Variants in B3GAT3 observed in about 807,000 individuals in gnomAD.
B3GAT3 encodes beta-1,3-glucuronyltransferase 3.
A neutral mutation model predicts 33.1 loss-of-function variants in B3GAT3; 19 were observed. The observed-to-expected ratio is 0.57, with a 90% CI of 0.40 to 0.84. The LOEUF (loss-of-function observed/expected upper bound fraction) is 0.84, where lower values mean the gene tolerates loss of function less well. Ranked by LOEUF, B3GAT3 falls within the 40% of genes least tolerant of loss-of-function variation. The pLI is 0.00. For missense variants in B3GAT3, 344 were observed against 441.5 expected, an observed-to-expected ratio of 0.78 and a Z score of 1.98; for synonymous variants, 167 against 193.5, an observed-to-expected ratio of 0.86 and a Z score of 1.14.
chr11:62,617,613 C>T (rs146220819), intron 2 of B3GAT3, among the ~76,000 whole-genome samples: 13 of 152,180 alleles, frequency 8.5e-5, no homozygotes, highest in Non-Finnish European at 1.8e-4. Context: ...CATGGTGGCT[C>T]ACACCTATAA....
rs758285640 is a variant in B3GAT3, at chr11:62,620,682, G to A, written c.83-11C>T. 53 of 1,608,314 alleles carry A rather than the reference G, an allele frequency of 3.3e-5. No homozygotes were observed. Among genetic ancestry groups the A allele is most frequent in the Non-Finnish European group, 3.9e-5 (46 of 1,176,152 alleles). On this transcript the variant is annotated splice_polypyrimidine_tract_variant and intron_variant, in intron 1 of 4. Coordinates refer to ENST00000265471, the MANE Select transcript of B3GAT3 (RefSeq NM_012200.4). ...AGTCACATGGCTGGCCTGGTCCCAGGAAGCATTAATGGGGAAAGAAGGTGG... is the reference window on the plus strand; with the variant it reads ...AGTCACATGGCTGGCCTGGTCCCAGAAAGCATTAATGGGGAAAGAAGGTGG...
At position 62,615,483 on chromosome 11, in the gene B3GAT3, C is replaced by T; in HGVS notation, c.*218G>A. On this transcript the variant is annotated 3_prime_UTR_variant, in exon 5 of 5. Coordinates refer to ENST00000265471, the MANE Select transcript of B3GAT3 (RefSeq NM_012200.4). ...CACCCTAGACAGGGCCAACCTGACT[C>T]AACACAAGGGCTGCTTGTCCCCAGC... 1 of 847,392 alleles carries T rather than the reference C, an allele frequency of 1.2e-6. No individual in the cohort carries two copies. The highest frequency in any genetic ancestry group is 1.8e-6 in the Non-Finnish European group (1 of 553,236). 52.5% of individuals were successfully genotyped at this position (847,392 alleles called of 1,614,324 possible). A position where few individuals can be genotyped will look rare whatever the true frequency, so the allele number is the denominator to read the frequency against.
chr11:62,621,856 C>A lies in B3GAT3; in HGVS notation c.82+10G>T, dbSNP rs780165322. ...GCCAGCCCGCCGCACCCCCGCCCCG[C>A]CCCGCTCACCGAGCTGTACCAGCGC... On this transcript the variant is annotated intron_variant, in intron 1 of 4. Transcript: ENST00000265471. The A allele has an allele frequency of 3.1e-6, 5 of 1,609,770 alleles. No individual in the cohort carries two copies. Among genetic ancestry groups the A allele is most frequent in the African/African-American group, 1.3e-5 (1 of 74,584 alleles).
At chr11:62,620,931 G>A in intron 1 of B3GAT3, 2 of 566,140 alleles carry the variant, frequency 3.5e-6, no homozygotes, top group Non-Finnish European at 6.4e-6. Context: ...CTACCTGCTG[G>A]TCCTAATTTT....
At chr11:62,620,109 C>T (rs1381734203) in intron 2 of B3GAT3, among the ~76,000 whole-genome samples, 9 of 152,158 alleles carry the variant, frequency 5.9e-5, no homozygotes, top group African/African-American at 1.9e-4. Flanking sequence ...CTGCAACCTC[C>T]GCCTCTCAGG....
intron 2 of B3GAT3, among the ~76,000 whole-genome samples, 167 bp downstream of exon 2, chr11:62,620,330 G>A (rs1943121239): frequency 6.6e-6 from 1 of 152,170 alleles, no homozygotes; most frequent in African/African-American, 2.4e-5. Context: ...GCCTGAAAAA[G>A]AACTATTTTC....
At chr11:62,621,473 C>G (rs1943143212) in intron 1 of B3GAT3, among the ~76,000 whole-genome samples, 1 of 152,114 alleles carries the variant, frequency 6.6e-6, no homozygotes, top group African/African-American at 2.4e-5. Context: ...GAGAAAGAGG[C>G]AGCCCGGGAA....
chr11:62,619,176 A>C (rs199545829), intron 2 of B3GAT3, among the ~76,000 whole-genome samples: 1 of 18,460 alleles, frequency 5.4e-5, no homozygotes, highest in African/African-American at 1.8e-4. Flanking sequence ...CGGGGGGAAG[A>C]AAAAAAAAAA....
rs747167971 is a variant in B3GAT3 at position 62,617,039 on chromosome 11, A to G, written c.566T>C (p.Val189Ala). Residue 189 changes from valine to alanine, a missense_variant, in exon 3 of 5, where the codon GTC becomes GCC. By Grantham distance (64) the Val-to-Ala change is moderately conservative. Coordinates refer to ENST00000265471, the MANE Select transcript of B3GAT3 (RefSeq NM_012200.4). Reference sequence around the variant, plus strand: ...GTTGTCATCGTCAGCAAAGTAGACGACTCCTTGGGTCCCTGGTGGTGGTGG... The same window carrying G: ...GTTGTCATCGTCAGCAAAGTAGACGGCTCCTTGGGTCCCTGGTGGTGGTGG... ...KDPPPPGTQG[V>A]VYFADDDNTY... The G allele has an allele frequency of 9.9e-6, 16 of 1,613,114 alleles. No individual in the cohort carries two copies. Among genetic ancestry groups the G allele is most frequent in the Non-Finnish European group, 1.4e-5 (16 of 1,179,760 alleles).
intron 1 of B3GAT3, among the ~76,000 whole-genome samples, chr11:62,621,629 G>A (rs1490541379): frequency 6.6e-6 from 1 of 152,222 alleles, no homozygotes; most frequent in Non-Finnish European, 1.5e-5. Flanking sequence ...TGGGAGAGGC[G>A]GACGGCAGCA....
intron 1 of B3GAT3, chr11:62,621,132 C>G (rs1943136132): frequency 6.5e-6 from 3 of 458,528 alleles, no homozygotes; most frequent in Middle Eastern, 3.2e-4. Flanking sequence ...GGCTAGGTGA[C>G]CAAAGACTCA....
chr11:62,616,808 C>G lies in B3GAT3; in HGVS notation c.619-12G>C. ...CGGGTCCAGCGCATCTAACGGAGGTCGGGAGAGAAGAAACAGAGGGGTGGT... is the reference window on the plus strand; with the variant it reads ...CGGGTCCAGCGCATCTAACGGAGGTGGGGAGAGAAGAAACAGAGGGGTGGT... On this transcript the variant is annotated splice_polypyrimidine_tract_variant and intron_variant, in intron 3 of 4. Coordinates refer to ENST00000265471, the MANE Select transcript of B3GAT3 (RefSeq NM_012200.4). The G allele has an allele frequency of 6.2e-7, 1 of 1,613,790 alleles. No individual in the cohort carries two copies. Among genetic ancestry groups the G allele is most frequent in the Non-Finnish European group, 8.5e-7 (1 of 1,179,982 alleles).
At chr11:62,617,556 C>A in intron 2 of B3GAT3, 1 of 671,208 alleles carries the variant, frequency 1.5e-6, no homozygotes, top group East Asian at 2.8e-5. Flanking sequence ...ACCTCAACTC[C>A]AGAGCTCAGG....
Position 62,616,614 on chromosome 11 carries a change from G to A in B3GAT3, c.801C>T (p.Pro267=). ...AVALPLLLDK[P]NAQFDSTAPR... ...GAGCGGTGGAATCAAATTGGGCATT[G>A]GGCTTATCTAACAGCAAGGGCAGGG... Residue 267 remains proline, a synonymous_variant, in exon 4 of 5, where the codon CCC becomes CCT. Coordinates refer to ENST00000265471, the MANE Select transcript of B3GAT3 (RefSeq NM_012200.4). The A allele has an allele frequency of 6.2e-7, 1 of 1,614,206 alleles. No individual in the cohort carries two copies. The highest frequency in any genetic ancestry group is 8.5e-7 in the Non-Finnish European group (1 of 1,180,030).
intron 2 of B3GAT3, among the ~76,000 whole-genome samples, chr11:62,618,244 G>T (rs1274413901): frequency 1.3e-5 from 2 of 151,344 alleles, no homozygotes; most frequent in East Asian, 2.0e-4. Flanking sequence ...GTAGATCTGG[G>T]TTTGAAATCC....
At chr11:62,618,177 C>CAAAAAAAA (rs150492409) in intron 2 of B3GAT3, among the ~76,000 whole-genome samples, 37 of 46,274 alleles carry the variant, frequency 8.0e-4, no homozygotes, top group African/African-American at 3.0e-3. Context: ...AACTCTGTCT[C>CAAAAAAAA]AAAAAAAAAA....
chr11:62,620,978 A>G (rs1449100399), intron 1 of B3GAT3: 2 of 538,918 alleles, frequency 3.7e-6, no homozygotes, highest in East Asian at 4.2e-5. Context: ...GTCCTTAAAC[A>G]GGACAGTCTT....
chr11:62,620,691 A>G lies in B3GAT3; in HGVS notation c.83-20T>C, dbSNP rs777685877. 9.7e-5 allele frequency: 156 copies of G among 1,605,980 alleles called. No homozygotes were observed. Among genetic ancestry groups the G allele is most frequent in the Non-Finnish European group, 1.3e-4 (150 of 1,174,516 alleles). On this transcript the variant is annotated intron_variant, in intron 1 of 4. Transcript: ENST00000265471. ...GCTGGCCTGGTCCCAGGAAGCATTA[A>G]TGGGGAAAGAAGGTGGGGACAGAGA...
intron 4 of B3GAT3, 114 bp from the exon 5 acceptor site, chr11:62,615,913 G>C: frequency 6.5e-7 from 1 of 1,537,682 alleles, no homozygotes; most frequent in Non-Finnish European, 8.7e-7. Context: ...AGGCTTCAAA[G>C]TGTAAAGGGC....
Sources: gnomAD v4.1 joint callset for allele counts (sites outside exome capture counted in the v4.1 genomes callset) on GRCh38, gnomAD v4.1.1 for gene constraint, MANE v1.5 for transcripts, NCBI Gene and HGNC (gene_info 2026-07-23, HGNC 2026-07-21) for gene names.